Variants in DEFA4 observed in about 807,000 individuals in gnomAD.
DEFA4 encodes the protein defensin alpha 4.
A neutral mutation model predicts 4.4 loss-of-function variants in DEFA4; 8 were observed. The observed-to-expected ratio is 1.82, with a 90% CI of 1.07 to 3.29. The LOEUF (loss-of-function observed/expected upper bound fraction) is 3.29, where lower values mean the gene tolerates loss of function less well. DEFA4 is among the 30% of genes most tolerant of loss of function. The pLI, the probability that DEFA4 is intolerant of heterozygous loss-of-function variation, is 0.00. For missense variants in DEFA4, 216 were observed against 127.0 expected (o/e 1.70, Z -3.37); for synonymous variants, 77 against 46.5 (o/e 1.66, Z -2.67).
At chr8:6,937,551 G>T (rs923561460) in intron 1 of DEFA4, among the ~76,000 whole-genome samples, 1 of 151,548 alleles carries the variant, frequency 6.6e-6, no homozygotes, top group Non-Finnish European at 1.5e-5. Flanking sequence ...GCATACACGT[G>T]GTCCTTTCTC....
rs761142862 is a variant in DEFA4, at chr8:6,936,100, A to C, written c.214T>G (p.Cys72Gly). The C allele has an allele frequency of 6.2e-7, 1 of 1,614,060 alleles. No individual in the cohort carries two copies. The highest frequency in any genetic ancestry group is 1.1e-5 in the South Asian group (1 of 90,990). Residue 72 changes from cysteine (C) to glycine (G), a missense_variant, in exon 3 of 3, where the codon TGC (cysteine) becomes GGC (glycine). Cys to Gly is a radical substitution (Grantham distance 159). Transcript: ENST00000297435. ...CCAACACGAAGTTCTGTTCGCCGGC[A>C]GAATACTAATCTGCAAGAGCAGACC... ...GMVCSCRLVF[C>G]RRTELRVGNC...
At chr8:6,936,273 T>G in intron 2 of DEFA4, 132 bp from the exon 3 acceptor site, 1 of 1,128,384 alleles carries the variant, frequency 8.9e-7, no homozygotes, top group South Asian at 1.5e-5. Context: ...ACAAACAACC[T>G]TAGTCAATAG....
Position 6,936,742 on chromosome 8 carries a change from G to A in DEFA4, c.158C>T (p.Ala53Val). Residue 53 changes from alanine (A) to valine (V), a missense_variant, in exon 2 of 3, where the codon GCT becomes GTT. Coordinates refer to ENST00000297435, the MANE Select transcript of DEFA4 (RefSeq NM_001925.3). The stretch of plus-strand genomic sequence containing the variant: ...GCCTCTCTCACCTGAAACCTGAAGA[G>A]CAGAGCTTTTATCCCATGCAAAGGA... Reference protein sequence around the residue: ...SISFAWDKSSALQVSGSTRGM... With the variant: ...SISFAWDKSSVLQVSGSTRGM... The A allele has an allele frequency of 6.2e-7, 1 of 1,602,998 alleles. No homozygotes were observed. Among genetic ancestry groups the A allele is most frequent in the South Asian group, 1.1e-5 (1 of 89,246 alleles).
Position 6,935,966 on chromosome 8 carries a change from T to G in DEFA4, c.*54A>C. The stretch of plus-strand genomic sequence containing the variant: ...GCTCAGCTGCAGAAGCATGTGAAGC[T>G]AACACCACCGATGATGGCGTTCCCA... On this transcript the variant is annotated 3_prime_UTR_variant, in exon 3 of 3. Coordinates refer to ENST00000297435, the MANE Select transcript of DEFA4 (RefSeq NM_001925.3). 1 of 1,611,100 alleles carries G rather than the reference T, an allele frequency of 6.2e-7. No homozygotes were observed. Among genetic ancestry groups the G allele is most frequent in the Non-Finnish European group, 8.5e-7 (1 of 1,177,584 alleles).
At position 6,936,860 on chromosome 8, in the gene DEFA4, C is replaced by A. The variant is rs1326607580; in HGVS notation, c.40G>T (p.Ala14Ser). The change falls in exon 2 of 3, where the codon GCC becomes TCC. Residue 14 changes from alanine to serine, a missense_variant. By Grantham distance (99) the Ala-to-Ser change is moderately conservative. Transcript: ENST00000297435. ...IALLAAILLV[A>S]LQVRAGPLQA... ...AGTGGGCCTGCCCGGACCTGGAGGG[C>A]TACCAAGAGAATAGCAGCGAGGAGG... is the stretch of plus-strand genomic sequence containing the variant. 1 of 1,612,298 alleles carries A rather than the reference C, an allele frequency of 6.2e-7. No individual in the cohort carries two copies. Among genetic ancestry groups the A allele is most frequent in the South Asian group, 1.1e-5 (1 of 90,496 alleles).
intron 1 of DEFA4, 118 bp downstream of exon 1, chr8:6,938,108 C>T (rs1440340362): frequency 2.0e-5 from 3 of 152,230 alleles, no homozygotes; most frequent in Non-Finnish European, 4.4e-5. Context: ...TAGAAGTTCA[C>T]AGCAGGGGCT....
In DEFA4 at chr8:6,935,917, A is replaced by C. The variant is rs533728297; in HGVS notation, c.*103T>G. On this transcript the variant is annotated 3_prime_UTR_variant, in exon 3 of 3. Coordinates refer to ENST00000297435, the MANE Select transcript of DEFA4 (RefSeq NM_001925.3). ...CCTGTAGCTCTCAAAGCAAATTATG[A>C]GCTCATTTTTCTCTATTCTGCAAGC... is the stretch of plus-strand genomic sequence containing the variant. 6.5e-7 allele frequency: 1 copy of C among 1,538,934 alleles called. No individual in the cohort carries two copies. Among genetic ancestry groups the C allele is most frequent in the South Asian group, 1.2e-5 (1 of 86,208 alleles).
chr8:6,936,295 C>T (rs922207611), intron 2 of DEFA4, among the ~76,000 whole-genome samples, 154 bp from the exon 3 acceptor site: 1 of 152,300 alleles, frequency 6.6e-6, no homozygotes, highest in Admixed American at 6.5e-5. Flanking sequence ...AATAAATACA[C>T]AGAGCAATGC....
chr8:6,936,691 C>A, intron 2 of DEFA4, 37 bp downstream of exon 2: 1 of 1,548,722 alleles, frequency 6.5e-7, no homozygotes. Context: ...ATCCGTCTCT[C>A]TAGACTCGGT....
chr8:6,935,941 G>T lies in DEFA4; in HGVS notation c.*79C>A. 2 of 1,593,168 alleles carry T rather than the reference G, an allele frequency of 1.3e-6. No homozygotes were observed. Among genetic ancestry groups the T allele is most frequent in the Non-Finnish European group, 8.6e-7 (1 of 1,162,462 alleles). On this transcript the variant is annotated 3_prime_UTR_variant, in exon 3 of 3. Transcript: ENST00000297435. Reference sequence around the variant, plus strand: ...GAGCTCATTTTTCTCTATTCTGCAAGCTCAGCTGCAGAAGCATGTGAAGCT... The same window carrying T: ...GAGCTCATTTTTCTCTATTCTGCAATCTCAGCTGCAGAAGCATGTGAAGCT...
Position 6,936,119 on chromosome 8 carries a change from G to C in DEFA4, c.195C>G (p.Cys65Trp), listed in dbSNP as rs368348117. 2 of 1,614,020 alleles carry C rather than the reference G, an allele frequency of 1.2e-6. No individual in the cohort carries two copies. Among genetic ancestry groups the C allele is most frequent in the Admixed American group, 1.7e-5 (1 of 60,012 alleles). ...GCCGGCAGAATACTAATCTGCAAGA[G>C]CAGACCATGCCCCTTGTTGAGCCTG... ...QVSGSTRGMV[C>W]SCRLVFCRRT... The change falls in exon 3 of 3, where the codon TGC becomes TGG. Residue 65 changes from cysteine (C) to tryptophan (W), a missense_variant. By Grantham distance (215) the Cys-to-Trp change is radical (BLOSUM62 -2). Transcript: ENST00000297435.
chr8:6,936,763 A>C lies in DEFA4; in HGVS notation c.137T>G (p.Phe46Cys). The C allele has an allele frequency of 6.2e-7, 1 of 1,611,872 alleles. No individual in the cohort carries two copies. The highest frequency in any genetic ancestry group is 1.1e-5 in the South Asian group (1 of 90,452). ...AAGAGCAGAGCTTTTATCCCATGCA[A>C]AGGAAATAGATATGTCCTGGTCTTC... The part of the protein sequence containing the change: ...GPEDQDISIS[F>C]AWDKSSALQV... Residue 46 changes from phenylalanine (F) to cysteine (C), a missense_variant, in exon 2 of 3, where the codon TTT becomes TGT. Physicochemically the swap from Phe to Cys is radical, Grantham distance 205. Transcript: ENST00000297435.
chr8:6,936,766 G>T lies in DEFA4; in HGVS notation c.134C>A (p.Ser45Tyr). Reference protein sequence around the residue: ...RGPEDQDISISFAWDKSSALQ... With the variant: ...RGPEDQDISIYFAWDKSSALQ... ...AGCAGAGCTTTTATCCCATGCAAAGGAAATAGATATGTCCTGGTCTTCTGG... is the reference window on the plus strand; with the variant it reads ...AGCAGAGCTTTTATCCCATGCAAAGTAAATAGATATGTCCTGGTCTTCTGG... Residue 45 changes from serine to tyrosine, a missense_variant, in exon 2 of 3, where the codon TCC becomes TAC. Transcript: ENST00000297435. 6.2e-7 allele frequency: 1 copy of T among 1,612,536 alleles called. No homozygotes were observed. The highest frequency in any genetic ancestry group is 8.5e-7 in the Non-Finnish European group (1 of 1,179,264).
In DEFA4 at chr8:6,936,119, G is replaced by A. The variant is rs368348117; in HGVS notation, c.195C>T (p.Cys65=). 1.2e-6 allele frequency: 2 copies of A among 1,613,902 alleles called. No homozygotes were observed. Among genetic ancestry groups the A allele is most frequent in the African/African-American group, 1.3e-5 (1 of 74,908 alleles). The change falls in exon 3 of 3, where the codon TGC becomes TGT. Residue 65 remains cysteine, a synonymous_variant. Coordinates refer to ENST00000297435, the MANE Select transcript of DEFA4 (RefSeq NM_001925.3). ...GCCGGCAGAATACTAATCTGCAAGA[G>A]CAGACCATGCCCCTTGTTGAGCCTG... ...QVSGSTRGMV[C]SCRLVFCRRT... is the part of the protein sequence containing the mutation.
intron 1 of DEFA4, among the ~76,000 whole-genome samples, chr8:6,937,611 A>G (rs1015140067): frequency 4.6e-5 from 7 of 152,184 alleles, no homozygotes; most frequent in African/African-American, 1.4e-4. Flanking sequence ...CTCAACATAG[A>G]CTTGAAAAGA....
intron 1 of DEFA4, among the ~76,000 whole-genome samples, chr8:6,937,585 C>G (rs1808911018): frequency 6.6e-6 from 1 of 152,078 alleles, no homozygotes; most frequent in Non-Finnish European, 1.5e-5. Context: ...AAAATCAGCT[C>G]AACATGGATT....
Position 6,936,885 on chromosome 8 carries a change from G to T in DEFA4, c.15C>A (p.Ala5=), listed in dbSNP as rs770823381. 1.2e-6 allele frequency: 2 copies of T among 1,607,742 alleles called. No homozygotes were observed. The highest frequency in any genetic ancestry group is 4.5e-5 in the East Asian group (2 of 44,728). The change falls in exon 2 of 3, where the codon GCC becomes GCA. Residue 5 remains alanine (A), a synonymous_variant. Transcript: ENST00000297435. ...CTACCAAGAGAATAGCAGCGAGGAG[G>T]GCGATAATCCTCATGGCTGGGGTGA... MRII[A]LLAAILLVAL... is the part of the protein sequence containing the mutation.
intron 2 of DEFA4, 38 bp from the exon 3 acceptor site, chr8:6,936,179 A>C: frequency 6.2e-7 from 1 of 1,609,844 alleles, no homozygotes; most frequent in South Asian, 1.1e-5. Flanking sequence ...TTAAGCACCA[A>C]GGTCAGCGGT....
chr8:6,936,142 C>A lies in DEFA4; in HGVS notation c.173-1G>T. The A allele has an allele frequency of 6.2e-7, 1 of 1,613,832 alleles. No individual in the cohort carries two copies. The highest frequency in any genetic ancestry group is 8.5e-7 in the Non-Finnish European group (1 of 1,179,958). On this transcript the variant is annotated splice_acceptor_variant, in intron 2 of 2. Coordinates refer to ENST00000297435, the MANE Select transcript of DEFA4 (RefSeq NM_001925.3). LOFTEE classifies it high-confidence loss of function. ...GAGCAGACCATGCCCCTTGTTGAGC[C>A]TGGGAACACAGAGGAAGCATGAGAA...
Sources: allele counts gnomAD v4.1 joint callset (sites outside exome capture counted in the v4.1 genomes callset), GRCh38; gene constraint gnomAD v4.1.1; transcripts MANE v1.5; gene names NCBI Gene and HGNC (gene_info 2026-07-23, HGNC 2026-07-21).